The following PLCG2 variants were observed in gnomAD, a reference collection of about 807,000 sequenced individuals.
PLCG2 encodes the protein phospholipase C gamma 2, also known as 1-phosphatidylinositol 4,5-bisphosphate phosphodiesterase gamma-2.
Under a neutral mutation model 175.6 loss-of-function variants are expected in PLCG2, and 69 were observed. The ratio of observed to expected loss-of-function variants is 0.39; its 90% CI spans 0.32 to 0.48. The LOEUF is 0.48. Ranked by LOEUF, PLCG2 falls within the 20% of genes least tolerant of loss-of-function variation. The probability of loss-of-function intolerance (pLI) is 0.91; values close to 1 mark genes in which losing one functional copy is unlikely to be tolerated. For synonymous variants in PLCG2, 827 were observed against 624.0 expected (o/e 1.33, Z -4.85); for missense variants, 1,798 against 1,650.9 (o/e 1.09, Z -1.54).
At position 81,786,200 on chromosome 16, in the gene PLCG2, G is replaced by A. The variant is rs781194589; in HGVS notation, c.193+18G>A. 5 of 1,608,724 alleles carry A rather than the reference G, an allele frequency of 3.1e-6. No individual in the cohort carries two copies. Among genetic ancestry groups the A allele is most frequent in the South Asian group, 1.1e-5 (1 of 90,714 alleles). On this transcript the variant is annotated intron_variant, in intron 2 of 32. Coordinates refer to ENST00000564138, the MANE Select transcript of PLCG2 (RefSeq NM_002661.5). ...GGGCTTCTGTGAGTACTCGCTGGGTGGGGCAGTGTGGCCCGTCCTCTGGGG... is the reference window on the plus strand; with the variant it reads ...GGGCTTCTGTGAGTACTCGCTGGGTAGGGCAGTGTGGCCCGTCCTCTGGGG...
intron 30 of PLCG2, among the ~76,000 whole-genome samples, chr16:81,943,759 A>G (rs4611452): frequency 0.23 from 35,731 of 152,202 alleles, 4,836 homozygotes; most frequent in African/African-American, 0.38. Context: ...CAAACTAGCA[A>G]CAAAAATCAC....
intron 32 of PLCG2, among the ~76,000 whole-genome samples, chr16:81,957,484 T>G (rs948874593): frequency 6.6e-6 from 1 of 152,062 alleles, no homozygotes; most frequent in South Asian, 2.1e-4. Flanking sequence ...TTTTAAGGAG[T>G]ACTTATTGTG....
chr16:81,897,509 A>C (rs1908945477), intron 13 of PLCG2, among the ~76,000 whole-genome samples: 3 of 150,320 alleles, frequency 2.0e-5, no homozygotes, highest in South Asian at 4.2e-4. Context: ...AGTCAATAAG[A>C]TCGATTATTT....
intron 7 of PLCG2, among the ~76,000 whole-genome samples, chr16:81,872,300 C>G (rs1023592355): frequency 7.2e-5 from 11 of 152,170 alleles, no homozygotes. Flanking sequence ...TGCACTCCAG[C>G]CTGGGCAACA....
intron 32 of PLCG2, 74 bp from the exon 33 acceptor site, chr16:81,957,882 G>T: frequency 7.6e-7 from 1 of 1,307,818 alleles, no homozygotes; most frequent in Non-Finnish European, 1.1e-6. Context: ...TACAGAAAGA[G>T]AAATGTTACA....
intron 31 of PLCG2, among the ~76,000 whole-genome samples, chr16:81,953,227 T>C (rs1238074567): frequency 6.6e-6 from 1 of 152,180 alleles, no homozygotes; most frequent in Non-Finnish European, 1.5e-5. Flanking sequence ...GATCCCGGAT[T>C]GGATGTGGGA....
chr16:81,769,867 G>A lies in PLCG2; in HGVS notation c.-48+13901G>A, dbSNP rs192116331. Among the ~76,000 whole-genome samples the A allele has an allele frequency of 4.7e-3, 691 of 147,174 alleles. 6 individuals carry two copies. The highest frequency in any genetic ancestry group is 6.8e-3 in the Non-Finnish European group (458 of 67,140). ...AAAAAGAAAAAGACATGGGCCTTCAGATTCTAGTTCTGCCACCACTGGTGT... is the reference window on the plus strand; with the variant it reads ...AAAAAGAAAAAGACATGGGCCTTCAAATTCTAGTTCTGCCACCACTGGTGT... On this transcript the variant is annotated intron_variant, in intron 2 of 5. Coordinates refer to the PLCG2 transcript ENST00000565054.
chr16:81,942,784 AC>A (rs754738707), intron 30 of PLCG2, among the ~76,000 whole-genome samples: 28 of 151,978 alleles, frequency 1.8e-4, no homozygotes, highest in Non-Finnish European at 3.5e-4. Flanking sequence ...TTAATTTCGA[AC>A]CCCGTGTTCC....
intron 2 of PLCG2, among the ~76,000 whole-genome samples, chr16:81,794,307 T>G (rs1911368269): frequency 8.5e-5 from 13 of 152,232 alleles, no homozygotes. Flanking sequence ...GTTATTATTT[T>G]ATCAAAATGT....
intron 15 of PLCG2, among the ~76,000 whole-genome samples, chr16:81,906,951 T>G (rs1909396304): frequency 6.6e-6 from 1 of 150,562 alleles, no homozygotes; most frequent in Non-Finnish European, 1.5e-5. Context: ...GGCAGGAGAA[T>G]TACTTGAACC....
chr16:81,897,286 A>G (rs1199999810), intron 13 of PLCG2, among the ~76,000 whole-genome samples: 3 of 152,244 alleles, frequency 2.0e-5, no homozygotes, highest in Non-Finnish European at 4.4e-5. Flanking sequence ...GTAGAATAGC[A>G]GTTACGAGTA....
intron 2 of PLCG2, among the ~76,000 whole-genome samples, chr16:81,800,416 C>G (rs1009855652): frequency 6.6e-6 from 1 of 152,114 alleles, no homozygotes; most frequent in African/African-American, 2.4e-5. Context: ...CTCCCTGTGT[C>G]CATGTGTTCT....
chr16:81,779,172 G>C (rs1303722559), upstream of PLCG2: 3 of 152,208 alleles, frequency 2.0e-5, no homozygotes, highest in Non-Finnish European at 4.4e-5. Context: ...CTGCACTCGG[G>C]GTGCGCTCCG....
At chr16:81,944,543 CAGCCTCAGACTCCT>C (rs1051600482) in intron 30 of PLCG2, among the ~76,000 whole-genome samples, 24 of 152,314 alleles carry the variant, frequency 1.6e-4, no homozygotes, top group Admixed American at 1.1e-3. Flanking sequence ...TAGCTCATGG[CAGCCTCAGACTCCT>C]GGGCTCAAGC....
chr16:81,899,821 T>C (rs192193723), intron 13 of PLCG2, among the ~76,000 whole-genome samples: 78 of 152,306 alleles, frequency 5.1e-4, no homozygotes, highest in African/African-American at 1.9e-3. Context: ...GTCAATAATA[T>C]ATACCAAATC....
In PLCG2 at chr16:81,758,121, G is replaced by A. The variant is rs904207246; in HGVS notation, c.-48+2155G>A. ...CTCCTGAGTAACTGGGACCACAGGC[G>A]CTCGCCACCAGGCCTGGCTAGATTT... On this transcript the variant is annotated intron_variant, in intron 2 of 5. Transcript: ENST00000565054. 9.9e-5 allele frequency among the ~76,000 whole-genome samples: 15 copies of A among 152,170 alleles called. No homozygotes were observed. The South Asian group carries it at 2.3e-3, about 23-fold the overall frequency.
Position 81,889,184 on chromosome 16 carries a change from C to G in PLCG2, c.778C>G (p.Gln260Glu), listed in dbSNP as rs772517191. The change falls in exon 10 of 33, where the codon CAG (glutamine) becomes GAG (glutamate). Residue 260 changes from glutamine (Q) to glutamate (E), a missense_variant. Physicochemically the swap from Gln to Glu is conservative, Grantham distance 29. Transcript: ENST00000564138. Reference sequence around the variant, plus strand: ...TTGTCATTTTAAGGAGCATTGGGCTCAGGATCTGAACAAAGTCCGTGAGCG... The same window carrying G: ...TTGTCATTTTAAGGAGCATTGGGCTGAGGATCTGAACAAAGTCCGTGAGCG... ...LIHEQQEHWAQDLNKVRERMT... is the reference protein window; with the variant it reads ...LIHEQQEHWAEDLNKVRERMT... 82 of 1,595,488 alleles carry G rather than the reference C, an allele frequency of 5.1e-5. No individual in the cohort carries two copies. The highest frequency in any genetic ancestry group is 6.7e-5 in the Non-Finnish European group (78 of 1,167,400).
chr16:81,881,151 A>G (rs1014735682), intron 8 of PLCG2, among the ~76,000 whole-genome samples, 198 bp downstream of exon 8: 2 of 152,238 alleles, frequency 1.3e-5, no homozygotes, highest in African/African-American at 4.8e-5. Context: ...GGTGTGGAGC[A>G]CTGGGAGGAT....
chr16:81,906,684 G>A (rs767925726), intron 15 of PLCG2, among the ~76,000 whole-genome samples: 2 of 152,146 alleles, frequency 1.3e-5, no homozygotes, highest in South Asian at 2.1e-4. Context: ...TTGGCCTCCC[G>A]AAGTGCTAGG....
Sources: gnomAD v4.1 joint callset for allele counts (sites outside exome capture counted in the v4.1 genomes callset) on GRCh38, gnomAD v4.1.1 for gene constraint, MANE v1.5 for transcripts, NCBI Gene and HGNC (gene_info 2026-07-23, HGNC 2026-07-21) for gene names.